C11orf71: variants seen among roughly 807,000 people sequenced by gnomAD.
C11orf71 encodes chromosome 11 open reading frame 71.
For synonymous variants in C11orf71, 72 were observed against 73.4 expected, an observed-to-expected ratio of 0.98 and a Z score of 0.09; for missense variants, 179 against 167.6, an observed-to-expected ratio of 1.07 and a Z score of -0.38.
chr11:114,394,353 G>T (rs569148956), downstream of C11orf71, among the ~76,000 whole-genome samples: 3 of 149,486 alleles, frequency 2.0e-5, no homozygotes, highest in South Asian at 2.1e-4. Flanking sequence ...GGAGTGCAGT[G>T]GCACGATCTT....
In C11orf71 at chr11:114,399,993, T is replaced by C. The variant is rs1486968239; in HGVS notation, c.339A>G (p.Leu113=). Residue 113 remains leucine (L), a synonymous_variant, in exon 1 of 1, where the codon TTA becomes TTG. Coordinates refer to ENST00000623205, the MANE Select transcript of C11orf71 (RefSeq NM_001271562.2). The part of the protein sequence containing the change: ...RSVLQQRLIA[L]GGVIAARISV ...AAATTCGAGCTGCGATAACACCTCC[T>C]AATGCAATCAAACGCTGTTGCAGCA... 1 of 1,612,198 alleles carries C rather than the reference T, an allele frequency of 6.2e-7. No individual in the cohort carries two copies. Among genetic ancestry groups the C allele is most frequent in the South Asian group, 1.1e-5 (1 of 91,050 alleles).
At chr11:114,391,447 G>T (rs1591191321) in exon 2 of C11orf71, 1 of 503,826 alleles carries the variant, frequency 2.0e-6, no homozygotes. Context: ...ATAACATTTT[G>T]GCAATTCTAG....
At chr11:114,394,214 T>TTTTCTTTTCTTTTC (rs1272995915), downstream of C11orf71, among the ~76,000 whole-genome samples, 5 of 57,046 alleles carry the variant, frequency 8.8e-5, no homozygotes, top group African/African-American at 4.1e-4. Context: ...TTTTCTTTTC[T>TTTTCTTTTCTTTTC]TTTCTTTTCT....
intron 1 of C11orf71, among the ~76,000 whole-genome samples, chr11:114,392,548 A>AAAAAAAAG (rs1461395379): frequency 4.8e-5 from 6 of 124,844 alleles, no homozygotes; most frequent in African/African-American, 1.5e-4. Context: ...AAAAAAAAAA[A>AAAAAAAAG]AAGAAGAAGA....
At chr11:114,391,574 T>C in exon 2 of C11orf71, 2 of 1,521,950 alleles carry the variant, frequency 1.3e-6, no homozygotes, top group Non-Finnish European at 1.8e-6. Context: ...TTCATATTAC[T>C]AAAATTTCAA....
rs1409074679 is a variant in C11orf71 at position 114,400,014 on chromosome 11, C to A, written c.318G>T (p.Leu106=). Residue 106 remains leucine, a synonymous_variant, in exon 1 of 1, where the codon CTG becomes CTT. Coordinates refer to ENST00000623205, the MANE Select transcript of C11orf71 (RefSeq NM_001271562.2). ...CTCCTAATGCAATCAAACGCTGTTG[C>A]AGCACACTTCTTAGGAGATCGGGTT... ...AVEPDLLRSV[L]QQRLIALGGV... is the part of the protein sequence containing the mutation. 1.2e-6 allele frequency: 2 copies of A among 1,613,860 alleles called. No individual in the cohort carries two copies. The highest frequency in any genetic ancestry group is 1.7e-6 in the Non-Finnish European group (2 of 1,179,740).
chr11:114,394,145 A>AT (rs1476184884), downstream of C11orf71, among the ~76,000 whole-genome samples: 10 of 147,306 alleles, frequency 6.8e-5, no homozygotes, highest in South Asian at 2.2e-4. Context: ...ACTCCGGCTA[A>AT]TTTTTTTTGT....
chr11:114,400,507 A>G lies in C11orf71; in HGVS notation c.-176T>C, dbSNP rs1001143431. The G allele has an allele frequency of 7.0e-6, 9 of 1,282,616 alleles. No individual in the cohort carries two copies. The highest frequency in any genetic ancestry group is 9.6e-6 in the Non-Finnish European group (9 of 939,204). 79.5% of individuals were successfully genotyped at this position (1,282,616 alleles called of 1,614,324 possible). A position where few individuals can be genotyped will look rare whatever the true frequency, so the allele number is the denominator to read the frequency against. ...GCCTTTAACGAGGGGTATCCTGGCG[A>G]GCATGCGCAGACCGTCCGCGCACGT... On this transcript the variant is annotated 5_prime_UTR_variant, in exon 1 of 1. Coordinates refer to ENST00000623205, the MANE Select transcript of C11orf71 (RefSeq NM_001271562.2).
chr11:114,391,512 C>T, exon 2 of C11orf71: 3 of 1,092,530 alleles, frequency 2.7e-6, no homozygotes, highest in Non-Finnish European at 3.8e-6. Flanking sequence ...CATACAATTT[C>T]ATATCCAATT....
chr11:114,391,688 G>A, intron 1 of C11orf71: 1 of 1,126,570 alleles, frequency 8.9e-7, no homozygotes, highest in Non-Finnish European at 1.3e-6. Context: ...AAATGGATGA[G>A]TATAAGATGG....
At position 114,398,748 on chromosome 11, in the gene C11orf71, C is replaced by G. The variant is rs1946148360; in HGVS notation, c.*1212G>C. ...TATATTAATCACCCTCTTATGGAAG[C>G]TATCTTGTTTACTCAACATTCTTCT... is the stretch of plus-strand genomic sequence containing the variant. On this transcript the variant is annotated 3_prime_UTR_variant, in exon 1 of 1. Transcript: ENST00000623205. The G allele has an allele frequency of 6.6e-6, 1 of 152,168 alleles. No individual in the cohort carries two copies. Among genetic ancestry groups the G allele is most frequent in the Non-Finnish European group, 1.5e-5 (1 of 68,024 alleles). 9.4% of individuals were successfully genotyped at this position (152,168 alleles called of 1,614,324 possible).
At chr11:114,393,761 A>G (rs1393035039), downstream of C11orf71, among the ~76,000 whole-genome samples, 2 of 152,198 alleles carry the variant, frequency 1.3e-5, no homozygotes, top group Non-Finnish European at 2.9e-5. Flanking sequence ...TTCAATTAAT[A>G]TACTTTGAAT....
chr11:114,397,084 A>G (rs1946135884), downstream of C11orf71, among the ~76,000 whole-genome samples: 1 of 152,150 alleles, frequency 6.6e-6, no homozygotes, highest in Admixed American at 6.5e-5. Context: ...GAGGAAGTAA[A>G]TATCTTATTA....
At chr11:114,392,374 C>A (rs148274006) in intron 1 of C11orf71, among the ~76,000 whole-genome samples, 1 of 151,812 alleles carries the variant, frequency 6.6e-6, no homozygotes, top group Non-Finnish European at 1.5e-5. Context: ...CCCGTCTCTA[C>A]TAAAAATACG....
chr11:114,391,496 A>T (rs1946071645), exon 2 of C11orf71: 1 of 909,288 alleles, frequency 1.1e-6, no homozygotes, highest in South Asian at 2.9e-5. Flanking sequence ...GTAAGATCAT[A>T]TAATACATAC....
At chr11:114,394,178 CGT>C (rs765921416), downstream of C11orf71, among the ~76,000 whole-genome samples, 6,143 of 81,042 alleles carry the variant, frequency 0.076, 396 homozygotes, top group African/African-American at 0.19. Flanking sequence ...GACGGGGTTT[CGT>C]TTCTTTTCTT....
chr11:114,394,230 TTC>T (rs1491232287), downstream of C11orf71, among the ~76,000 whole-genome samples: 7 of 43,088 alleles, frequency 1.6e-4, no homozygotes, highest in East Asian at 1.6e-3. Flanking sequence ...TTTCTTTTCT[TTC>T]TTTTCTTTTC....
chr11:114,397,874 T>A (rs2135342656), downstream of C11orf71, among the ~76,000 whole-genome samples: 1 of 152,358 alleles, frequency 6.6e-6, no homozygotes, highest in Admixed American at 6.5e-5. Context: ...GCTGATATGG[T>A]CACCCAATAT....
Position 114,399,638 on chromosome 11 carries a change from G to C in C11orf71, c.*322C>G. ...GAGCACTTCTTTTTCGCCAACAGAA[G>C]TAAAGGTAAAGGTTAAGTGTCTGAG... On this transcript the variant is annotated 3_prime_UTR_variant, in exon 1 of 1. Coordinates refer to ENST00000623205, the MANE Select transcript of C11orf71 (RefSeq NM_001271562.2). 3.9e-6 allele frequency: 1 copy of C among 256,040 alleles called. No homozygotes were observed. The highest frequency in any genetic ancestry group is 4.8e-5 in the Admixed American group (1 of 20,776). The allele number at this position is 256,040 out of a possible 1,614,324, so 15.9% of individuals were successfully genotyped here.
Sources: gnomAD v4.1 joint callset for allele counts (sites outside exome capture counted in the v4.1 genomes callset) on GRCh38, gnomAD v4.1.1 for gene constraint, MANE v1.5 for transcripts, NCBI Gene and HGNC (gene_info 2026-07-23, HGNC 2026-07-21) for gene names.